Variants in RIN3 observed in about 807,000 individuals in gnomAD.
The protein encoded by RIN3 is RAB5 interacting protein 3.
RIN3 carries 54 observed loss-of-function variants against 76.3 expected under a neutral mutation model. That is an observed-to-expected ratio of 0.71 (90% CI 0.57 to 0.89). The LOEUF (loss-of-function observed/expected upper bound fraction) is 0.89, where lower values mean the gene tolerates loss of function less well. Ranked by LOEUF, RIN3 falls within the 40% of genes least tolerant of loss-of-function variation. RIN3 has a pLI of 0.00. For synonymous variants in RIN3, 576 were observed against 564.0 expected (o/e 1.02, Z -0.30); for missense variants, 1,256 against 1,322.1 (o/e 0.95, Z 0.78).
intron 3 of RIN3, among the ~76,000 whole-genome samples, chr14:92,583,891 C>T (rs1197401817): frequency 1.3e-5 from 2 of 152,154 alleles, no homozygotes; most frequent in Non-Finnish European, 2.9e-5. Context: ...ACCGGGATCC[C>T]TTCCATGCAC....
rs1020924026 is a variant in RIN3 at position 92,688,498 on chromosome 14, G to A, written c.*246G>A. The A allele has an allele frequency of 1.8e-6, 1 of 542,538 alleles. No homozygotes were observed. Among genetic ancestry groups the A allele is most frequent in the African/African-American group, 2.0e-5 (1 of 50,916 alleles). The allele number at this position is 542,538 out of a possible 1,614,324, so 33.6% of individuals were successfully genotyped here. A position where few individuals can be genotyped will look rare whatever the true frequency, so the allele number is the denominator to read the frequency against. On this transcript the variant is annotated 3_prime_UTR_variant, in exon 10 of 10. Coordinates refer to ENST00000216487, the MANE Select transcript of RIN3 (RefSeq NM_024832.5). ...TCTTCATTAGACGGAAAGGGAAACT[G>A]AGGCTCAGGAGAGAGGCGCTCCAGG...
At chr14:92,626,327 G>A (rs1209331985) in intron 4 of RIN3, among the ~76,000 whole-genome samples, 1 of 152,154 alleles carries the variant, frequency 6.6e-6, no homozygotes, top group East Asian at 1.9e-4. Context: ...CTGAGAAGAG[G>A]ATACCCAGGA....
At chr14:92,615,328 C>T in intron 3 of RIN3, 79 bp from the exon 4 acceptor site, 1 of 1,225,080 alleles carries the variant, frequency 8.2e-7, no homozygotes. Flanking sequence ...GCCCCCCGAC[C>T]CCATCCTTGC....
At chr14:92,518,454 G>A (rs1481057441) in intron 1 of RIN3, among the ~76,000 whole-genome samples, 1 of 152,178 alleles carries the variant, frequency 6.6e-6, no homozygotes, top group East Asian at 1.9e-4. Context: ...CCCAGGGCTT[G>A]GGGGGCTAGG....
In RIN3 at chr14:92,546,192, T is replaced by A. The variant is rs372760820; in HGVS notation, c.45-9559T>A. Among the ~76,000 whole-genome samples, 27 of 152,276 alleles carry A rather than the reference T, an allele frequency of 1.8e-4. No individual in the cohort carries two copies. In the East Asian group the frequency reaches 2.1e-3, roughly 12 times the overall value. ...CACCTACCTCGGCTTCCCAAAGGGC[T>A]GGGATTACAGGCTTGAGCCACTGTG... On this transcript the variant is annotated intron_variant, in intron 1 of 9. Transcript: ENST00000216487.
intron 3 of RIN3, among the ~76,000 whole-genome samples, chr14:92,600,549 G>A (rs1313161779): frequency 6.6e-6 from 1 of 152,248 alleles, no homozygotes; most frequent in Non-Finnish European, 1.5e-5. Context: ...TGGTGTCTCT[G>A]CACTGCTGGT....
chr14:92,573,921 T>A (rs1169736242), intron 2 of RIN3, among the ~76,000 whole-genome samples: 1 of 152,160 alleles, frequency 6.6e-6, no homozygotes, highest in Non-Finnish European at 1.5e-5. Flanking sequence ...AGGGTGACAA[T>A]TTGGCAGGAG....
At chr14:92,650,015 C>T (rs976164540) in intron 5 of RIN3, among the ~76,000 whole-genome samples, 3 of 152,206 alleles carry the variant, frequency 2.0e-5, no homozygotes, top group Non-Finnish European at 4.4e-5. Flanking sequence ...ATGGCAAATG[C>T]CTACATCCCT....
At chr14:92,665,370 CTTTTTTTTTTTTTT>C (rs55818571) in intron 7 of RIN3, among the ~76,000 whole-genome samples, 1,563 of 83,704 alleles carry the variant, frequency 0.019, 38 homozygotes, top group African/African-American at 0.071. Context: ...GCCTTTGTCT[CTTTTTTTTTTTTTT>C]TTTTTTTTTT....
chr14:92,576,671 G>A (rs979395470), intron 2 of RIN3, among the ~76,000 whole-genome samples: 1 of 152,174 alleles, frequency 6.6e-6, no homozygotes, highest in Admixed American at 6.6e-5. Context: ...CCAGCTGGAG[G>A]AGGGGACGTC....
In RIN3 at chr14:92,648,799, A is replaced by G. The variant is rs1887294109; in HGVS notation, c.533-2783A>G. Among the ~76,000 whole-genome samples the G allele has an allele frequency of 6.6e-6, 1 of 152,224 alleles. No individual in the cohort carries two copies. The highest frequency in any genetic ancestry group is 2.4e-5 in the African/African-American group (1 of 41,464). ...TCACAGGCATATCAGAGCTGCAGGA[A>G]CACAGGCGGGGTGGGCAAGGCCTGA... is the stretch of plus-strand genomic sequence containing the variant. On this transcript the variant is annotated intron_variant, in intron 5 of 9. Transcript: ENST00000216487. The surrounding 1 kb of genome is among the most constrained non-coding windows in gnomAD (Gnocchi z 4.1).
rs116023466 is a variant in RIN3, at chr14:92,515,854, G to C, written c.44+1878G>C. ...AATATTGGTTTGTTGCTAAAACATG[G>C]CTTTGTTTTGGAGGACCTTTTGGGT... On this transcript the variant is annotated intron_variant, in intron 1 of 9. Coordinates refer to ENST00000216487, the MANE Select transcript of RIN3 (RefSeq NM_024832.5). Among the ~76,000 whole-genome samples, 903 of 152,350 alleles carry C rather than the reference G, an allele frequency of 5.9e-3. 7 individuals carry two copies. Among genetic ancestry groups the C allele is most frequent in the African/African-American group, 0.021 (866 of 41,576 alleles).
In RIN3 at chr14:92,652,469, C is replaced by G. The variant is rs1887495496; in HGVS notation, c.1420C>G (p.Leu474Val). ...GATCTCTCGACAACTGGCCTCGACC[C>G]TCCCAGCTCCCTTAGAGAACGCTGA... ...KRISRQLASTLPAPLENAELC... is the reference protein window; with the variant it reads ...KRISRQLASTVPAPLENAELC... The change falls in exon 6 of 10, where the codon CTC becomes GTC. Residue 474 changes from leucine (L) to valine (V), a missense_variant. Transcript: ENST00000216487. The surrounding 1 kb of genome is among the most constrained non-coding windows in gnomAD (Gnocchi z 6.4). 1 of 1,614,168 alleles carries G rather than the reference C, an allele frequency of 6.2e-7. No homozygotes were observed. Among genetic ancestry groups the G allele is most frequent in the East Asian group, 2.2e-5 (1 of 44,862 alleles).
intron 1 of RIN3, among the ~76,000 whole-genome samples, chr14:92,532,861 G>T (rs1896916349): frequency 6.6e-6 from 1 of 152,190 alleles, no homozygotes; most frequent in African/African-American, 2.4e-5. Flanking sequence ...CATGGGAGTT[G>T]GGAGGCTCTT....
intron 3 of RIN3, among the ~76,000 whole-genome samples, chr14:92,613,505 T>C (rs1210399102): frequency 6.6e-6 from 1 of 152,210 alleles, no homozygotes; most frequent in East Asian, 1.9e-4. Context: ...GTGTTTGATA[T>C]GCAGAAAGAA....
Position 92,574,631 on chromosome 14 carries a change from T to C in RIN3, c.250-2729T>C, listed in dbSNP as rs117279278. The stretch of plus-strand genomic sequence containing the variant: ...CAGCAGAGGACTCTGTTACCCTCAC[T>C]ATCTGCCTAAATAATTTCTTTTTAG... On this transcript the variant is annotated intron_variant, in intron 2 of 9. Coordinates refer to ENST00000216487, the MANE Select transcript of RIN3 (RefSeq NM_024832.5). Among the ~76,000 whole-genome samples, 81 of 152,324 alleles carry C rather than the reference T, an allele frequency of 5.3e-4. 2 individuals are homozygous for C. The East Asian group carries it at 0.015, about 29-fold the overall frequency.
rs1362444179 is a variant in RIN3 at position 92,659,427 on chromosome 14, A to T, written c.2293A>T (p.Thr765Ser). The change falls in exon 7 of 10, where the codon ACC becomes TCC. Residue 765 changes from threonine to serine, a missense_variant. Coordinates refer to ENST00000216487, the MANE Select transcript of RIN3 (RefSeq NM_024832.5). ...GAAGAAGATCTCCATCCTGCTCAAG[A>T]CCTGCAAACTCATCTACGACTCCAT... The part of the protein sequence containing the change: ...PEKKISILLK[T>S]CKLIYDSMAL... 1.9e-6 allele frequency: 3 copies of T among 1,612,858 alleles called. No individual in the cohort carries two copies. Among genetic ancestry groups the T allele is most frequent in the Non-Finnish European group, 2.5e-6 (3 of 1,179,316 alleles).
chr14:92,651,288 C>T (rs1050171372), intron 5 of RIN3, among the ~76,000 whole-genome samples: 2 of 152,134 alleles, frequency 1.3e-5, no homozygotes, highest in African/African-American at 4.8e-5. Context: ...TCAATGCCCT[C>T]CAATGTGGGC....
Position 92,568,318 on chromosome 14 carries a change from CA to C in RIN3, c.250-9041del, listed in dbSNP as rs1897970479. On this transcript the variant is annotated intron_variant, in intron 2 of 9. Coordinates refer to ENST00000216487, the MANE Select transcript of RIN3 (RefSeq NM_024832.5). This position sits in a 1 kb window ranked among gnomAD's most constrained non-coding sequence, Gnocchi z 4.2. Reference sequence around the variant, plus strand: ...TGGGGACACTCGATCAGCGAGTGGGCAGGGAGGCAATGTAGATATAAACAAC... The same window carrying C: ...TGGGGACACTCGATCAGCGAGTGGGCGGGAGGCAATGTAGATATAAACAAC... Among the ~76,000 whole-genome samples the C allele has an allele frequency of 6.6e-6, 1 of 152,096 alleles. No individual in the cohort carries two copies. Among genetic ancestry groups the C allele is most frequent in the African/African-American group, 2.4e-5 (1 of 41,396 alleles).
Sources: gnomAD v4.1 joint callset for allele counts (sites outside exome capture counted in the v4.1 genomes callset) on GRCh38, gnomAD v4.1.1 for gene constraint, Gnocchi (gnomAD v3.1) non-coding constraint, MANE v1.5 for transcripts, NCBI Gene and HGNC (gene_info 2026-07-23, HGNC 2026-07-21) for gene names.